PYGB: variants seen among roughly 807,000 people sequenced by gnomAD.
PYGB encodes the protein glycogen phosphorylase B.
Under a neutral mutation model 94.3 loss-of-function variants are expected in PYGB, and 82 were observed. That is an observed-to-expected ratio of 0.87 (90% confidence interval 0.73 to 1.04). The LOEUF is 1.04. Ranked by LOEUF, PYGB falls within the 50% of genes least tolerant of loss-of-function variation. The pLI is 0.00. For missense variants in PYGB, 1,132 were observed against 1,158.2 expected, an observed-to-expected ratio of 0.98 and a Z score of 0.33; for synonymous variants, 488 against 479.1, an observed-to-expected ratio of 1.02 and a Z score of -0.24.
At chr20:25,282,900 A>G (rs2088381567) in intron 12 of PYGB, among the ~76,000 whole-genome samples, 1 of 152,202 alleles carries the variant, frequency 6.6e-6, no homozygotes, top group Non-Finnish European at 1.5e-5. Flanking sequence ...TCAATGTCAG[A>G]GAACCCTGGG....
At chr20:25,259,836 C>T (rs1281821828) in intron 2 of PYGB, among the ~76,000 whole-genome samples, 1 of 152,210 alleles carries the variant, frequency 6.6e-6, no homozygotes. Flanking sequence ...TGAACTTAAT[C>T]CTTTCACAGT....
At chr20:25,260,451 T>C (rs2092910887) in intron 2 of PYGB, among the ~76,000 whole-genome samples, 1 of 152,204 alleles carries the variant, frequency 6.6e-6, no homozygotes, top group Non-Finnish European at 1.5e-5. Flanking sequence ...ATTATAAAAA[T>C]TTAGAAATTG....
chr20:25,275,890 C>T lies in PYGB; in HGVS notation c.661-756C>T, dbSNP rs1381907078. 9.9e-5 allele frequency among the ~76,000 whole-genome samples: 15 copies of T among 152,166 alleles called. 1 individual carries two copies. The highest frequency in any genetic ancestry group is 4.1e-4 in the South Asian group (2 of 4,832). On this transcript the variant is annotated intron_variant, in intron 5 of 19. Transcript: ENST00000216962. ...ACTGGGGTTTTAGTCTTGGTGGCCC[C>T]GGTGCGCCGCCTGTGTGGCTGTCAG...
At chr20:25,250,922 T>G (rs1293050634) in intron 1 of PYGB, 1 of 152,238 alleles carries the variant, frequency 6.6e-6, no homozygotes, top group Non-Finnish European at 1.5e-5. Context: ...GCCCACTTTG[T>G]GCTGTAAATA....
intron 6 of PYGB, 129 bp downstream of exon 6, chr20:25,276,886 C>A (rs1020253410): frequency 1.2e-6 from 1 of 800,774 alleles, no homozygotes; most frequent in South Asian, 1.7e-5. Flanking sequence ...TCTAGGGTGT[C>A]CCTGCGTCCC....
At chr20:25,266,975 TC>T (rs2088224004) in intron 2 of PYGB, among the ~76,000 whole-genome samples, 1 of 152,218 alleles carries the variant, frequency 6.6e-6, no homozygotes, top group African/African-American at 2.4e-5. Flanking sequence ...GCCTAGCAAT[TC>T]CATTCCACGG....
At chr20:25,281,251 A>G in intron 11 of PYGB, 139 bp downstream of exon 11, 1 of 1,194,500 alleles carries the variant, frequency 8.4e-7, no homozygotes, top group Non-Finnish European at 1.2e-6. Context: ...TAGGAATGAC[A>G]GAGCTGCCCA....
At chr20:25,287,064 GC>G (rs1243380976) in intron 14 of PYGB, among the ~76,000 whole-genome samples, 1 of 152,198 alleles carries the variant, frequency 6.6e-6, no homozygotes, top group Non-Finnish European at 1.5e-5. Context: ...GCTGGTGAAC[GC>G]CTGTCCAGGG....
intron 19 of PYGB, 28 bp from the exon 20 acceptor site, chr20:25,296,341 AG>A (rs766389771): frequency 2.5e-5 from 40 of 1,613,286 alleles, no homozygotes; most frequent in Non-Finnish European, 3.4e-5. Flanking sequence ...CTGTGACGCC[AG>A]AGACTAATTT....
intron 5 of PYGB, among the ~76,000 whole-genome samples, chr20:25,275,004 C>CTT (rs1568690635): frequency 1.3e-5 from 2 of 152,134 alleles, no homozygotes; most frequent in African/African-American, 4.8e-5. Flanking sequence ...TGCAGCTGGG[C>CTT]GTCCACTCAC....
chr20:25,292,759 C>CA lies in PYGB; in HGVS notation c.2177+147dup, dbSNP rs2088481235. 5 of 1,105,476 alleles carry CA rather than the reference C, an allele frequency of 4.5e-6. No homozygotes were observed. In the South Asian group the frequency reaches 8.1e-5, roughly 18 times the overall value. The allele number at this position is 1,105,476 out of a possible 1,614,324, so 68.5% of individuals were successfully genotyped here. On this transcript the variant is annotated intron_variant, in intron 17 of 19. Coordinates refer to ENST00000216962, the MANE Select transcript of PYGB (RefSeq NM_002862.4). ...CCACCCAGGGCTGTGTGCCTGCCTG[C>CA]AGGGGTGACCATTTCCAGGTGCATG...
intron 3 of PYGB, among the ~76,000 whole-genome samples, chr20:25,271,156 A>T (rs1206698034): frequency 6.6e-6 from 1 of 151,820 alleles, no homozygotes; most frequent in Admixed American, 6.6e-5. Context: ...AGGATTCTTC[A>T]TCCCCCCCCA....
At chr20:25,294,382 G>C in intron 18 of PYGB, 90 bp downstream of exon 18, 1 of 1,447,950 alleles carries the variant, frequency 6.9e-7, no homozygotes, top group Non-Finnish European at 9.5e-7. Context: ...CTTGTTTGGA[G>C]AGCAAAACCC....
At position 25,296,576 on chromosome 20, in the gene PYGB, A is replaced by C. The variant is rs1423842168; in HGVS notation, c.*54A>C. ...GCATTTGTTTTCTTGCTGACTTTGC[A>C]CCTCCTTTTTTCCCCAAACACTTTG... On this transcript the variant is annotated 3_prime_UTR_variant, in exon 20 of 20. Coordinates refer to ENST00000216962, the MANE Select transcript of PYGB (RefSeq NM_002862.4). 6.4e-7 allele frequency: 1 copy of C among 1,561,304 alleles called. No homozygotes were observed. Among genetic ancestry groups the C allele is most frequent in the Non-Finnish European group, 8.7e-7 (1 of 1,154,770 alleles).
intron 1 of PYGB, among the ~76,000 whole-genome samples, chr20:25,248,675 G>A (rs991245768): frequency 7.3e-6 from 1 of 137,662 alleles, no homozygotes; most frequent in East Asian, 2.2e-4. Context: ...GCCGTCCCCC[G>A]CAGATGATGC....
chr20:25,296,527 A>G lies in PYGB; in HGVS notation c.*5A>G, dbSNP rs1472759674. On this transcript the variant is annotated 3_prime_UTR_variant, in exon 20 of 20. Transcript: ENST00000216962. Reference sequence around the variant, plus strand: ...CCCAACATCCCCCGGGACTAGGCACACCCTGCCTTGGCGGGACCAGCGGGC... The same window carrying G: ...CCCAACATCCCCCGGGACTAGGCACGCCCTGCCTTGGCGGGACCAGCGGGC... 4 of 1,610,266 alleles carry G rather than the reference A, an allele frequency of 2.5e-6. No homozygotes were observed. Among genetic ancestry groups the G allele is most frequent in the Admixed American group, 1.7e-5 (1 of 59,740 alleles).
At chr20:25,296,293 A>G (rs1354619413) in intron 19 of PYGB, 77 bp from the exon 20 acceptor site, 3 of 1,556,310 alleles carry the variant, frequency 1.9e-6, no homozygotes, top group Middle Eastern at 1.7e-4. Context: ...AAACAGTCCT[A>G]AAGTTCTGGA....
rs2088544905 is a variant in PYGB at position 25,296,366 on chromosome 20, G to C, written c.2380-4G>C. 2 of 1,613,886 alleles carry C rather than the reference G, an allele frequency of 1.2e-6. No homozygotes were observed. The highest frequency in any genetic ancestry group is 1.7e-6 in the Non-Finnish European group (2 of 1,180,018). On this transcript the variant is annotated splice_region_variant and splice_polypyrimidine_tract_variant and intron_variant, in intron 19 of 19. Transcript: ENST00000216962. The stretch of plus-strand genomic sequence containing the variant: ...AGAGACTAATTTCATCTCCTTCCCT[G>C]CAGAACCCCAAGGAGTGGACCAAGA...
Position 25,248,416 on chromosome 20 carries a change from C to T in PYGB, c.238C>T (p.Pro80Ser), listed in dbSNP as rs746670423. 5.2e-6 allele frequency: 8 copies of T among 1,524,522 alleles called. No homozygotes were observed. The Admixed American group carries it at 1.2e-4, about 23-fold the overall frequency. 94.4% of individuals were successfully genotyped at this position (1,524,522 alleles called of 1,614,324 possible). The change falls in exon 1 of 20, where the codon CCC (proline) becomes TCC (serine). Residue 80 changes from proline to serine, a missense_variant. Transcript: ENST00000216962. ...RTQQHYYERD[P>S]KRIYYLSLEF... Reference sequence around the variant, plus strand: ...GCAGCAGCACTACTACGAGCGCGACCCCAAGGTGAGGCGCTGCCCCGCCCT... The same window carrying T: ...GCAGCAGCACTACTACGAGCGCGACTCCAAGGTGAGGCGCTGCCCCGCCCT...
Sources: allele counts gnomAD v4.1 joint callset (sites outside exome capture counted in the v4.1 genomes callset), GRCh38; gene constraint gnomAD v4.1.1; transcripts MANE v1.5; gene names NCBI Gene and HGNC (gene_info 2026-07-23, HGNC 2026-07-21).